The following EEF2K variants were observed in gnomAD, a reference collection of about 807,000 sequenced individuals.
EEF2K encodes alternative protein EEF2K.
A neutral mutation model predicts 93.8 loss-of-function variants in EEF2K; 70 were observed. That is an observed-to-expected ratio of 0.75 (90% CI 0.62 to 0.91). The LOEUF is 0.91. Ranked by LOEUF, EEF2K falls within the 40% of genes least tolerant of loss-of-function variation. EEF2K has a pLI of 0.00. For missense variants in EEF2K, 935 were observed against 972.9 expected, an observed-to-expected ratio of 0.96 and a Z score of 0.52; for synonymous variants, 376 against 380.8, an observed-to-expected ratio of 0.99 and a Z score of 0.15.
chr16:22,220,057 A>G (rs2046996221), intron 1 of EEF2K, among the ~76,000 whole-genome samples: 1 of 152,230 alleles, frequency 6.6e-6, no homozygotes, highest in African/African-American at 2.4e-5. Flanking sequence ...AGTCTGGGAA[A>G]TGTATCCTGA....
At chr16:22,214,737 C>T (rs571767555) in intron 1 of EEF2K, among the ~76,000 whole-genome samples, 4 of 152,220 alleles carry the variant, frequency 2.6e-5, no homozygotes, top group East Asian at 1.9e-4. Context: ...ATTTGAGCTG[C>T]GTCTTGAAGA....
Position 22,207,686 on chromosome 16 carries a change from T to C in EEF2K, c.-77+1007T>C, listed in dbSNP as rs543220589. On this transcript the variant is annotated intron_variant, in intron 1 of 17. Coordinates refer to ENST00000263026, the MANE Select transcript of EEF2K (RefSeq NM_013302.5). ...TCACAGCGAATTGAGTCACGTAGTC[T>C]ATCCTAATGTTTTTAGCGAGGAGGA... Among the ~76,000 whole-genome samples the C allele has an allele frequency of 5.3e-5, 8 of 152,220 alleles. No homozygotes were observed. In the East Asian group the frequency reaches 9.7e-4, roughly 18 times the overall value.
chr16:22,216,569 G>T (rs2046959378), intron 1 of EEF2K, among the ~76,000 whole-genome samples: 2 of 152,136 alleles, frequency 1.3e-5, no homozygotes, highest in Admixed American at 1.3e-4. Flanking sequence ...CTAGTTGGTG[G>T]AATAAGACAG....
intron 2 of EEF2K, among the ~76,000 whole-genome samples, chr16:22,238,782 A>G (rs972175638): frequency 3.3e-5 from 5 of 151,722 alleles, no homozygotes; most frequent in African/African-American, 1.2e-4. Flanking sequence ...GTTCATAGCC[A>G]CTGCCAGGTG....
intron 2 of EEF2K, among the ~76,000 whole-genome samples, chr16:22,237,151 A>C (rs2047176410): frequency 6.6e-6 from 1 of 150,884 alleles, no homozygotes; most frequent in South Asian, 2.1e-4. Flanking sequence ...CACCATGTTC[A>C]CCAGACTGGT....
intron 16 of EEF2K, among the ~76,000 whole-genome samples, chr16:22,275,303 C>T (rs1282649099): frequency 2.0e-5 from 3 of 151,250 alleles, no homozygotes; most frequent in Admixed American, 6.6e-5. Context: ...GTATACTTTT[C>T]TCTTTATTTT....
intron 10 of EEF2K, among the ~76,000 whole-genome samples, chr16:22,259,943 G>A (rs2047446089): frequency 6.6e-6 from 1 of 152,044 alleles, no homozygotes; most frequent in Admixed American, 6.6e-5. Context: ...AATAGAGATG[G>A]GGTTTCACTA....
At chr16:22,270,552 G>A (rs1288646701) in intron 15 of EEF2K, among the ~76,000 whole-genome samples, 1 of 152,056 alleles carries the variant, frequency 6.6e-6, no homozygotes, top group Non-Finnish European at 1.5e-5. Context: ...TGCCCAGCCA[G>A]CTCCCCGATT....
intron 17 of EEF2K, among the ~76,000 whole-genome samples, chr16:22,282,906 G>A (rs887221274): frequency 6.6e-6 from 1 of 152,196 alleles, no homozygotes; most frequent in African/African-American, 2.4e-5. Flanking sequence ...TGGGGACACA[G>A]CATTCAGTCC....
intron 16 of EEF2K, 87 bp downstream of exon 16, chr16:22,273,837 C>T: frequency 6.5e-7 from 1 of 1,540,262 alleles, no homozygotes. Context: ...GGCCTGGGTT[C>T]CAGTCTTGGC....
At chr16:22,235,178 C>T (rs746808662) in intron 2 of EEF2K, among the ~76,000 whole-genome samples, 3 of 151,560 alleles carry the variant, frequency 2.0e-5, no homozygotes, top group African/African-American at 7.3e-5. Context: ...TGTACAACTG[C>T]ACTCCAGCCT....
chr16:22,239,848 T>A (rs1019223273), intron 2 of EEF2K, among the ~76,000 whole-genome samples: 1 of 152,074 alleles, frequency 6.6e-6, no homozygotes, highest in Non-Finnish European at 1.5e-5. Context: ...CTCATGCCTG[T>A]AATCCCAGCA....
intron 1 of EEF2K, among the ~76,000 whole-genome samples, chr16:22,213,732 A>C (rs2046936062): frequency 6.6e-6 from 1 of 152,130 alleles, no homozygotes; most frequent in African/African-American, 2.4e-5. Context: ...GGCTGTCCTC[A>C]TTCCTTGGGC....
chr16:22,232,002 A>AAAC (rs1470422541), intron 2 of EEF2K, among the ~76,000 whole-genome samples: 29 of 133,670 alleles, frequency 2.2e-4, no homozygotes, highest in Admixed American at 1.3e-3. Context: ...AACAAACAAA[A>AAAC]AAAAAAAAAA....
At position 22,248,737 on chromosome 16, in the gene EEF2K, G is replaced by A. The variant is rs79637818; in HGVS notation, c.348-18G>A. On this transcript the variant is annotated intron_variant, in intron 3 of 17. Coordinates refer to ENST00000263026, the MANE Select transcript of EEF2K (RefSeq NM_013302.5). Reference sequence around the variant, plus strand: ...CACGTGATGGACGCTGTGCCCCATGGTGGATGGGTCTCTGCAGGTACAACG... The same window carrying A: ...CACGTGATGGACGCTGTGCCCCATGATGGATGGGTCTCTGCAGGTACAACG... The A allele has an allele frequency of 0.054, 86,870 of 1,613,372 alleles. 2,919 individuals carry two copies. The highest frequency in any genetic ancestry group is 0.065 in the Non-Finnish European group (77,104 of 1,179,444).
Position 22,273,875 on chromosome 16 carries a change from G to A in EEF2K, c.1889+125G>A, listed in dbSNP as rs1278141663. 5.0e-6 allele frequency: 7 copies of A among 1,406,986 alleles called. No individual in the cohort carries two copies. The African/African-American group carries it at 1.0e-4, about 20-fold the overall frequency. 87.2% of individuals were successfully genotyped at this position (1,406,986 alleles called of 1,614,324 possible). A position where few individuals can be genotyped will look rare whatever the true frequency, so the allele number is the denominator to read the frequency against. ...CCCCATGACCAGTCCAGCAACCATGGGCAACTTATTTTACCTCCCTGGCCT... is the reference window on the plus strand; with the variant it reads ...CCCCATGACCAGTCCAGCAACCATGAGCAACTTATTTTACCTCCCTGGCCT... On this transcript the variant is annotated intron_variant, in intron 16 of 17. Coordinates refer to ENST00000263026, the MANE Select transcript of EEF2K (RefSeq NM_013302.5).
chr16:22,219,966 C>A lies in EEF2K; in HGVS notation c.-76-5688C>A, dbSNP rs151116811. Among the ~76,000 whole-genome samples the A allele has an allele frequency of 2.2e-3, 331 of 152,308 alleles. 2 individuals carry two copies. The highest frequency in any genetic ancestry group is 6.8e-3 in the Middle Eastern group (2 of 294). On this transcript the variant is annotated intron_variant, in intron 1 of 17. Coordinates refer to ENST00000263026, the MANE Select transcript of EEF2K (RefSeq NM_013302.5). ...CCAAGGGGCACACTCCCTTTAAGAA[C>A]CCTTCCCTATGGTTGCACACAGTCC...
chr16:22,244,083 G>A (rs1157888263), intron 2 of EEF2K, among the ~76,000 whole-genome samples: 2 of 151,860 alleles, frequency 1.3e-5, no homozygotes, highest in East Asian at 3.9e-4. Context: ...GCAAAAAGTA[G>A]CAGTGCGTGG....
At position 22,257,730 on chromosome 16, in the gene EEF2K, C is replaced by G; in HGVS notation, c.989C>G (p.Pro330Arg). 1 of 1,613,960 alleles carries G rather than the reference C, an allele frequency of 6.2e-7. No homozygotes were observed. The highest frequency in any genetic ancestry group is 2.2e-5 in the East Asian group (1 of 44,870). The change falls in exon 9 of 18, where the codon CCC becomes CGC. Residue 330 changes from proline to arginine, a missense_variant. Pro to Arg is a moderately radical substitution (Grantham distance 103). Coordinates refer to ENST00000263026, the MANE Select transcript of EEF2K (RefSeq NM_013302.5). The stretch of plus-strand genomic sequence containing the variant: ...GGCCTTGCTCCCTTTGACCTCTCGC[C>G]CCGGGAGAGGGATGCAGTGAATCAG... ...SMGLAPFDLSPRERDAVNQNT... is the reference protein window; with the variant it reads ...SMGLAPFDLSRRERDAVNQNT...
Sources: gnomAD v4.1 joint callset for allele counts (sites outside exome capture counted in the v4.1 genomes callset) on GRCh38, gnomAD v4.1.1 for gene constraint, MANE v1.5 for transcripts, NCBI Gene and HGNC (gene_info 2026-07-23, HGNC 2026-07-21) for gene names.